The following ERBB4 variants were observed in gnomAD, a reference collection of about 807,000 sequenced individuals.
The protein encoded by ERBB4 is receptor tyrosine-protein kinase erbB-4.
Under a neutral mutation model 158.0 loss-of-function variants are expected in ERBB4, and 42 were observed. That is an observed-to-expected ratio of 0.27 (90% CI 0.21 to 0.34). ERBB4 has a LOEUF of 0.34. Among genes scored for constraint, ERBB4 ranks in the 10% least tolerant of loss-of-function variants. The pLI, the probability that ERBB4 is intolerant of heterozygous loss-of-function variation, is 1.00. For missense variants in ERBB4, 1,333 were observed against 1,624.1 expected (o/e 0.82, Z 3.08); for synonymous variants, 583 against 558.7 (o/e 1.04, Z -0.61).
intron 1 of ERBB4, among the ~76,000 whole-genome samples, chr2:212,215,516 T>C (rs2083071320): frequency 6.6e-6 from 1 of 151,402 alleles, no homozygotes; most frequent in Non-Finnish European, 1.5e-5. Context: ...GTCTGGTATA[T>C]TTTATATAGC....
At chr2:212,244,151 T>C (rs757957111) in intron 1 of ERBB4, among the ~76,000 whole-genome samples, 22 of 152,268 alleles carry the variant, frequency 1.4e-4, no homozygotes, top group Middle Eastern at 3.4e-3. Context: ...TCATTAATAA[T>C]GAATAATGGG....
At chr2:211,440,499 T>A (rs2063950010) in intron 20 of ERBB4, among the ~76,000 whole-genome samples, 1 of 152,210 alleles carries the variant, frequency 6.6e-6, no homozygotes, top group Non-Finnish European at 1.5e-5. Context: ...GGTGGTTGAA[T>A]GTCTGACACC....
chr2:212,150,486 C>G (rs2080831942), intron 1 of ERBB4, among the ~76,000 whole-genome samples: 1 of 152,144 alleles, frequency 6.6e-6, no homozygotes, highest in Admixed American at 6.5e-5. Flanking sequence ...TTCAGCATAT[C>G]TTTTACAGGC....
At chr2:211,495,374 C>T (rs899886267) in intron 20 of ERBB4, among the ~76,000 whole-genome samples, 12 of 152,028 alleles carry the variant, frequency 7.9e-5, no homozygotes, top group South Asian at 2.1e-4. Context: ...CATAATAATT[C>T]GCCTTTTGTG....
At chr2:211,700,619 A>G (rs2073197436) in intron 12 of ERBB4, among the ~76,000 whole-genome samples, 1 of 152,204 alleles carries the variant, frequency 6.6e-6, no homozygotes, top group Non-Finnish European at 1.5e-5. Flanking sequence ...GGTCTTAATA[A>G]ATCAATTAAT....
intron 1 of ERBB4, among the ~76,000 whole-genome samples, chr2:212,404,422 C>T (rs543443598): frequency 6.6e-6 from 1 of 152,022 alleles, no homozygotes; most frequent in Non-Finnish European, 1.5e-5. Flanking sequence ...TCCATCTGTT[C>T]TTTGATTCAA....
intron 17 of ERBB4, 130 bp downstream of exon 17, chr2:211,630,332 C>G: frequency 9.6e-7 from 1 of 1,044,584 alleles, no homozygotes; most frequent in Non-Finnish European, 1.4e-6. Flanking sequence ...GTTTAACGGA[C>G]TATAAAATAA....
intron 12 of ERBB4, among the ~76,000 whole-genome samples, chr2:211,690,556 T>C (rs1036804759): frequency 2.0e-5 from 3 of 152,186 alleles, no homozygotes; most frequent in Non-Finnish European, 4.4e-5. Context: ...CAGGAAACCG[T>C]CATAACTATT....
chr2:211,478,341 T>C (rs997603549), intron 20 of ERBB4, among the ~76,000 whole-genome samples: 3 of 152,146 alleles, frequency 2.0e-5, no homozygotes, highest in African/African-American at 7.2e-5. Context: ...AAAGTGATAG[T>C]ATAGTTTAAT....
At chr2:211,491,850 A>G (rs2065351314) in intron 20 of ERBB4, among the ~76,000 whole-genome samples, 1 of 152,066 alleles carries the variant, frequency 6.6e-6, no homozygotes, top group South Asian at 2.1e-4. Context: ...TATATCCAGT[A>G]AGAACTTGAT....
At chr2:211,516,880 A>C (rs2066048529) in intron 20 of ERBB4, among the ~76,000 whole-genome samples, 1 of 152,120 alleles carries the variant, frequency 6.6e-6, no homozygotes, top group Non-Finnish European at 1.5e-5. Flanking sequence ...TACTGAGGCT[A>C]ATAGTAATCC....
At chr2:211,677,071 T>G (rs2072104277) in intron 13 of ERBB4, among the ~76,000 whole-genome samples, 1 of 152,180 alleles carries the variant, frequency 6.6e-6, no homozygotes, top group African/African-American at 2.4e-5. Flanking sequence ...TATTAATATT[T>G]TCCCTTATAT....
intron 20 of ERBB4, among the ~76,000 whole-genome samples, chr2:211,544,185 G>T (rs1390724474): frequency 6.6e-6 from 1 of 152,018 alleles, no homozygotes; most frequent in Non-Finnish European, 1.5e-5. Context: ...GAGCAGCTGT[G>T]ACTAAGATGG....
chr2:211,683,812 C>A (rs12694251), intron 12 of ERBB4, among the ~76,000 whole-genome samples: 150,128 of 151,526 alleles, frequency 0.99, 74,372 homozygotes, highest in East Asian at 1. Context: ...TCTCACCAAC[C>A]ATGTATTCAT....
At chr2:212,315,413 A>G (rs1333650691) in intron 1 of ERBB4, among the ~76,000 whole-genome samples, 1 of 151,438 alleles carries the variant, frequency 6.6e-6, no homozygotes, top group African/African-American at 2.4e-5. Flanking sequence ...AAGTATACAC[A>G]AATGTTTACA....
intron 1 of ERBB4, among the ~76,000 whole-genome samples, chr2:212,467,930 G>A (rs1688920829): frequency 6.6e-6 from 1 of 152,212 alleles, no homozygotes; most frequent in Non-Finnish European, 1.5e-5. Context: ...TCTACCTCTT[G>A]CATCAGCATG....
chr2:211,817,094 T>C (rs2076894876), intron 3 of ERBB4, among the ~76,000 whole-genome samples: 1 of 152,206 alleles, frequency 6.6e-6, no homozygotes, highest in South Asian at 2.1e-4. Context: ...TGTTTGATTA[T>C]AGTCCCTGGC....
At chr2:211,618,887 C>A (rs570363877) in intron 19 of ERBB4, among the ~76,000 whole-genome samples, 3 of 152,008 alleles carry the variant, frequency 2.0e-5, no homozygotes, top group Admixed American at 6.6e-5. Flanking sequence ...AATTTAAGAA[C>A]ATTACATGTC....
chr2:212,418,778 C>CA (rs2091720959), intron 1 of ERBB4, among the ~76,000 whole-genome samples: 1 of 151,794 alleles, frequency 6.6e-6, no homozygotes, highest in South Asian at 2.1e-4. Flanking sequence ...TGATTTACCA[C>CA]AAAATCTTCA....
Sources: gnomAD v4.1 joint callset for allele counts (sites outside exome capture counted in the v4.1 genomes callset) on GRCh38, gnomAD v4.1.1 for gene constraint, MANE v1.5 for transcripts, NCBI Gene and HGNC (gene_info 2026-07-23, HGNC 2026-07-21) for gene names.